The following GAB2 variants were observed in gnomAD, a reference collection of about 807,000 sequenced individuals.
GAB2 encodes the protein GRB2-associated-binding protein 2.
Under a neutral mutation model 65.5 loss-of-function variants are expected in GAB2, and 26 were observed. That is an observed-to-expected ratio of 0.40 (90% confidence interval 0.29 to 0.55). The LOEUF (loss-of-function observed/expected upper bound fraction) is 0.55, where lower values mean the gene tolerates loss of function less well. Among genes scored for constraint, GAB2 ranks in the 20% least tolerant of loss-of-function variants. GAB2 has a pLI of 0.53. For missense variants in GAB2, 884 were observed against 875.8 expected, an observed-to-expected ratio of 1.01 and a Z score of -0.12; for synonymous variants, 321 against 329.6, an observed-to-expected ratio of 0.97 and a Z score of 0.28.
chr11:78,369,730 T>C (rs183213715), intron 1 of GAB2, among the ~76,000 whole-genome samples: 39 of 152,346 alleles, frequency 2.6e-4, no homozygotes, highest in Admixed American at 2.4e-3. Context: ...AATAAAATAC[T>C]GTAACTGCTT....
Position 78,337,105 on chromosome 11 carries a change from G to A in GAB2, c.76-56204C>T, listed in dbSNP as rs1856015709. On this transcript the variant is annotated intron_variant, in intron 1 of 9. Coordinates refer to ENST00000361507, the MANE Select transcript of GAB2 (RefSeq NM_080491.3). ...AACCTTGGACTGGGCAACCAGCCTT[G>A]CGATTAAATGCTTCTTGCTCAATGT... is the stretch of plus-strand genomic sequence containing the variant. 2.0e-5 allele frequency among the ~76,000 whole-genome samples: 3 copies of A among 152,196 alleles called. No homozygotes were observed. In the South Asian group the frequency reaches 6.2e-4, roughly 31 times the overall value.
chr11:78,265,201 C>CGCATATAT (rs1554980505), intron 2 of GAB2, among the ~76,000 whole-genome samples: 1 of 25,054 alleles, frequency 4.0e-5, no homozygotes, highest in Non-Finnish European at 1.1e-4. Context: ...CCTTCTATAC[C>CGCATATAT]ACATATATAT....
At chr11:78,317,523 G>GCACTC (rs993136981) in intron 1 of GAB2, among the ~76,000 whole-genome samples, 2 of 125,856 alleles carry the variant, frequency 1.6e-5, no homozygotes, top group African/African-American at 6.3e-5. Flanking sequence ...TGGCGCCACT[G>GCACTC]CACTCCAGCC....
intron 3 of GAB2, 116 bp downstream of exon 3, chr11:78,250,041 G>T: frequency 9.2e-7 from 1 of 1,086,934 alleles, no homozygotes; most frequent in Non-Finnish European, 1.4e-6. Context: ...TCATAGACGT[G>T]TTTGTCTACC....
At chr11:78,295,038 T>G (rs1326443221) in intron 1 of GAB2, among the ~76,000 whole-genome samples, 2 of 151,918 alleles carry the variant, frequency 1.3e-5, no homozygotes, top group Non-Finnish European at 2.9e-5. Flanking sequence ...CAAACAAATT[T>G]ACAAGAAAAA....
intron 2 of GAB2, among the ~76,000 whole-genome samples, chr11:78,274,075 T>G (rs542237414): frequency 6.6e-6 from 1 of 152,240 alleles, no homozygotes; most frequent in East Asian, 1.9e-4. Flanking sequence ...GAAAATGGAC[T>G]AATACACTGG....
At chr11:78,279,770 T>A (rs1289623645) in intron 2 of GAB2, among the ~76,000 whole-genome samples, 1 of 152,268 alleles carries the variant, frequency 6.6e-6, no homozygotes, top group East Asian at 1.9e-4. Flanking sequence ...TATGGCTTAG[T>A]AATATATATG....
At chr11:78,397,916 C>A (rs1402035434) in intron 1 of GAB2, among the ~76,000 whole-genome samples, 2 of 152,112 alleles carry the variant, frequency 1.3e-5, no homozygotes, top group Non-Finnish European at 2.9e-5. Flanking sequence ...AATCCAGGCA[C>A]AGTGGTGCAC....
chr11:78,266,336 C>T (rs746723780), intron 2 of GAB2, among the ~76,000 whole-genome samples: 2 of 151,974 alleles, frequency 1.3e-5, no homozygotes, highest in African/African-American at 2.4e-5. Flanking sequence ...CATGCATCTC[C>T]TCCCCCAATC....
intron 3 of GAB2, among the ~76,000 whole-genome samples, chr11:78,238,537 T>TAA (rs61625813): frequency 0.033 from 4,489 of 134,948 alleles, 235 homozygotes; most frequent in African/African-American, 0.12. Context: ...TAAACTAGAT[T>TAA]AAAAAAAAAA....
chr11:78,284,600 C>T (rs1866423771), intron 1 of GAB2, among the ~76,000 whole-genome samples: 1 of 152,210 alleles, frequency 6.6e-6, no homozygotes, highest in South Asian at 2.1e-4. Context: ...ACTCCTCCCC[C>T]AGATATTTCC....
At chr11:78,312,662 C>T (rs1855525541) in intron 1 of GAB2, among the ~76,000 whole-genome samples, 1 of 152,200 alleles carries the variant, frequency 6.6e-6, no homozygotes, top group African/African-American at 2.4e-5. Context: ...CTCCTGACCT[C>T]AGGCGATCCA....
chr11:78,355,532 C>T (rs1204253161), intron 1 of GAB2, among the ~76,000 whole-genome samples: 2 of 152,006 alleles, frequency 1.3e-5, no homozygotes, highest in South Asian at 2.1e-4. Context: ...CAAGCTCAGG[C>T]GGGGCATGAT....
intron 3 of GAB2, among the ~76,000 whole-genome samples, chr11:78,239,698 G>T (rs1865074936): frequency 6.6e-6 from 1 of 152,156 alleles, no homozygotes; most frequent in African/African-American, 2.4e-5. Context: ...AGTTCTTTTG[G>T]TGAGAAGGTA....
chr11:78,375,392 G>GA (rs1443032290), intron 1 of GAB2, among the ~76,000 whole-genome samples: 3 of 152,068 alleles, frequency 2.0e-5, no homozygotes, highest in African/African-American at 4.8e-5. Context: ...TACACAGTTT[G>GA]AAAAATCTAA....
At chr11:78,348,462 T>C (rs1360757261) in intron 1 of GAB2, among the ~76,000 whole-genome samples, 2 of 152,212 alleles carry the variant, frequency 1.3e-5, no homozygotes, top group South Asian at 2.1e-4. Flanking sequence ...GAAGATAGTA[T>C]ACAAAATGCC....
chr11:78,294,107 C>T (rs1290352028), intron 1 of GAB2, among the ~76,000 whole-genome samples: 1 of 152,060 alleles, frequency 6.6e-6, no homozygotes, highest in Non-Finnish European at 1.5e-5. Context: ...TGTGATGTTC[C>T]CCTTTTTGTG....
chr11:78,238,748 C>G (rs1449271282), intron 3 of GAB2, among the ~76,000 whole-genome samples: 1 of 152,042 alleles, frequency 6.6e-6, no homozygotes, highest in African/African-American at 2.4e-5. Flanking sequence ...GAATATGACA[C>G]CAAAAGCACA....
chr11:78,286,938 C>T (rs1189397931), intron 1 of GAB2, among the ~76,000 whole-genome samples: 1 of 152,214 alleles, frequency 6.6e-6, no homozygotes, highest in East Asian at 1.9e-4. Flanking sequence ...TTTTTCAGGA[C>T]TGTTCTAACG....
Sources: allele counts gnomAD v4.1 joint callset (sites outside exome capture counted in the v4.1 genomes callset), GRCh38; gene constraint gnomAD v4.1.1; transcripts MANE v1.5; gene names NCBI Gene and HGNC (gene_info 2026-07-23, HGNC 2026-07-21).